USP39: variants seen among roughly 807,000 people sequenced by gnomAD.
USP39 encodes ubiquitin specific peptidase 39, also known as ubiquitin carboxyl-terminal hydrolase 39.
In USP39, 38 loss-of-function variants were observed where a neutral mutation model predicts 66.4. The ratio of observed to expected loss-of-function variants is 0.57; its 90% CI spans 0.44 to 0.75. The LOEUF is 0.75. Among genes scored for constraint, USP39 ranks in the 30% least tolerant of loss-of-function variants. The probability of loss-of-function intolerance (pLI) is 0.00; values close to 1 mark genes in which losing one functional copy is unlikely to be tolerated. For synonymous variants in USP39, 303 were observed against 274.6 expected (o/e 1.10, Z -1.02); for missense variants, 608 against 714.4 (o/e 0.85, Z 1.70).
chr2:85,632,193 G>C (rs1166076088), intron 6 of USP39, among the ~76,000 whole-genome samples: 1 of 152,166 alleles, frequency 6.6e-6, no homozygotes, highest in Non-Finnish European at 1.5e-5. Context: ...ATGGTGCTAG[G>C]TTTTAGAGCA....
chr2:85,648,845 CTGA>C lies in USP39; in HGVS notation c.*43_*45del, dbSNP rs758958975. The stretch of plus-strand genomic sequence containing the variant: ...AGGGCTTTGCTCCCAAGGGCTGTGG[CTGA>C]TGATGGTAAATAAGAACACAGAAGC... On this transcript the variant is annotated 3_prime_UTR_variant, in exon 13 of 13. Coordinates refer to ENST00000323701, the MANE Select transcript of USP39 (RefSeq NM_006590.4). 1 of 1,612,002 alleles carries C rather than the reference CTGA, an allele frequency of 6.2e-7. No individual in the cohort carries two copies. The highest frequency in any genetic ancestry group is 8.5e-7 in the Non-Finnish European group (1 of 1,178,916).
intron 3 of USP39, among the ~76,000 whole-genome samples, 162 bp downstream of exon 3, chr2:85,621,741 T>G (rs1674479739): frequency 6.6e-6 from 1 of 152,128 alleles, no homozygotes; most frequent in South Asian, 2.1e-4. Context: ...CTCTGACTGG[T>G]CAGAACCTGG....
chr2:85,644,198 T>G (rs948119541), intron 10 of USP39, among the ~76,000 whole-genome samples: 2 of 152,230 alleles, frequency 1.3e-5, no homozygotes, highest in Admixed American at 1.3e-4. Flanking sequence ...CCATTAGCTG[T>G]TTCTTGTGAA....
upstream of USP39, among the ~76,000 whole-genome samples, chr2:85,613,231 G>A (rs748896417): frequency 1.3e-5 from 2 of 152,012 alleles, no homozygotes; most frequent in African/African-American, 2.4e-5. Flanking sequence ...AGAAAGAGCC[G>A]GGCGTGGTGG....
chr2:85,614,801 A>G (rs1246750502), upstream of USP39, among the ~76,000 whole-genome samples: 4 of 152,176 alleles, frequency 2.6e-5, no homozygotes, highest in Admixed American at 2.6e-4. Flanking sequence ...CTGTTTAGTA[A>G]ACATTATCTC....
chr2:85,641,368 C>T (rs191131754), intron 10 of USP39, among the ~76,000 whole-genome samples: 22 of 152,258 alleles, frequency 1.4e-4, no homozygotes, highest in Admixed American at 1.3e-4. Context: ...AGTCTTCCTG[C>T]GTAGAGAAGA....
intron 1 of USP39, among the ~76,000 whole-genome samples, chr2:85,618,715 A>T (rs1674204279): frequency 6.6e-6 from 1 of 151,886 alleles, no homozygotes; most frequent in Admixed American, 6.6e-5. Flanking sequence ...TGTTGATTTT[A>T]TGTATACCAA....
chr2:85,619,914 G>A (rs1008187153), intron 2 of USP39, among the ~76,000 whole-genome samples: 6 of 151,852 alleles, frequency 4.0e-5, no homozygotes, highest in African/African-American at 1.2e-4. Context: ...GAGTGCAATG[G>A]CGCGATCTTG....
At chr2:85,613,336 G>A (rs555769494), upstream of USP39, among the ~76,000 whole-genome samples, 6 of 152,078 alleles carry the variant, frequency 3.9e-5, no homozygotes, top group South Asian at 6.2e-4. Context: ...GTGAAACCCC[G>A]TCTCTACTAA....
In USP39 at chr2:85,625,634, G is replaced by A. The variant is rs368669516; in HGVS notation, c.666G>A (p.Pro222=). 9.9e-6 allele frequency: 16 copies of A among 1,613,850 alleles called. No homozygotes were observed. The highest frequency in any genetic ancestry group is 2.2e-5 in the East Asian group (1 of 44,892). ...CATATGATGGTACCACTTACCTGCC[G>A]GGTATTGTGGGACTGAATAACATAA... ...SRAYDGTTYL[P]GIVGLNNIKA... Residue 222 remains proline, a synonymous_variant, in exon 5 of 13, where the codon CCG becomes CCA. Transcript: ENST00000323701.
At chr2:85,603,163 C>G (rs916107652) in intron 1 of USP39, 7 of 152,242 alleles carry the variant, frequency 4.6e-5, no homozygotes, top group African/African-American at 1.7e-4. Flanking sequence ...GAGAAGCAGA[C>G]ACAAAGACTT....
upstream of USP39, chr2:85,612,030 A>G (rs1439615631): frequency 3.7e-6 from 5 of 1,342,248 alleles, no homozygotes; most frequent in Non-Finnish European, 5.0e-6. Context: ...CGGCCCCAAC[A>G]ACAGCCACCC....
At chr2:85,640,001 A>G (rs895113019) in intron 9 of USP39, among the ~76,000 whole-genome samples, 3 of 151,780 alleles carry the variant, frequency 2.0e-5, no homozygotes, top group African/African-American at 7.3e-5. Context: ...TCACCTCAGC[A>G]TCCTAAGTAG....
In USP39 at chr2:85,633,312, G is replaced by A. The variant is rs1020645349; in HGVS notation, c.949+2366G>A. Among the ~76,000 whole-genome samples the A allele has an allele frequency of 4.6e-5, 7 of 152,148 alleles. No individual in the cohort carries two copies. The South Asian group carries it at 6.2e-4, about 14-fold the overall frequency. On this transcript the variant is annotated intron_variant, in intron 6 of 12. Coordinates refer to ENST00000323701, the MANE Select transcript of USP39 (RefSeq NM_006590.4). ...ATTTTTTGGTATTTTTAGTAGAGAC[G>A]GAGTTTCACCACGTTGGTCAGGCTG...
intron 11 of USP39, among the ~76,000 whole-genome samples, chr2:85,647,098 A>G (rs1324085809): frequency 6.6e-6 from 1 of 152,092 alleles, no homozygotes; most frequent in Admixed American, 6.5e-5. Context: ...TGTGTTGGCC[A>G]GGCTGGTCTC....
chr2:85,648,159 T>TG lies in USP39; in HGVS notation c.1650+148dup. 4.1e-6 allele frequency: 3 copies of TG among 732,274 alleles called. No individual in the cohort carries two copies. In the South Asian group the frequency reaches 5.5e-5, roughly 13 times the overall value. 45.4% of individuals were successfully genotyped at this position (732,274 alleles called of 1,614,324 possible). A position where few individuals can be genotyped will look rare whatever the true frequency, so the allele number is the denominator to read the frequency against. On this transcript the variant is annotated intron_variant, in intron 12 of 12. Transcript: ENST00000323701. ...TATTGGGAAGTACTTAGTAGTGAGTTGGGGGCAGAATGTATGGCCCTGAAA... is the reference window on the plus strand; with the variant it reads ...TATTGGGAAGTACTTAGTAGTGAGTTGGGGGGCAGAATGTATGGCCCTGAAA...
At chr2:85,621,805 ACT>A (rs1247883146) in intron 3 of USP39, among the ~76,000 whole-genome samples, 5 of 151,172 alleles carry the variant, frequency 3.3e-5, no homozygotes, top group Admixed American at 1.3e-4. Flanking sequence ...AATCTTAAAG[ACT>A]CTGGGTTCTC....
chr2:85,608,405 T>TGGA (rs1673295110), upstream of USP39: 1 of 151,944 alleles, frequency 6.6e-6, no homozygotes, highest in Admixed American at 6.6e-5. Context: ...CCTGAGCAGC[T>TGGA]GGAGGTACAC....
chr2:85,637,497 A>G (rs929897210), intron 8 of USP39, 61 bp downstream of exon 8: 7 of 1,557,798 alleles, frequency 4.5e-6, no homozygotes, highest in African/African-American at 2.7e-5. Flanking sequence ...CGTAGGGGAG[A>G]TGAAGAGATG....
Sources: allele counts gnomAD v4.1 joint callset (sites outside exome capture counted in the v4.1 genomes callset), GRCh38; gene constraint gnomAD v4.1.1; transcripts MANE v1.5; gene names NCBI Gene and HGNC (gene_info 2026-07-23, HGNC 2026-07-21).